Variants in RSPH3 observed in about 807,000 individuals in gnomAD.
RSPH3 encodes the protein radial spoke head protein 3 homolog.
A neutral mutation model predicts 43.8 loss-of-function variants in RSPH3; 21 were observed. The ratio of observed to expected loss-of-function variants is 0.48; its 90% CI spans 0.34 to 0.69. The LOEUF is 0.69. Ranked by LOEUF, RSPH3 falls within the 30% of genes least tolerant of loss-of-function variation. The pLI, the probability that RSPH3 is intolerant of heterozygous loss-of-function variation, is 0.01. For synonymous variants in RSPH3, 173 were observed against 179.8 expected (o/e 0.96, Z 0.30); for missense variants, 487 against 516.0 (o/e 0.94, Z 0.54).
At chr6:158,996,734 T>C (rs1778608905) in intron 1 of RSPH3, among the ~76,000 whole-genome samples, 1 of 152,232 alleles carries the variant, frequency 6.6e-6, no homozygotes, top group Admixed American at 6.5e-5. Context: ...TAGAGACAGA[T>C]TGACACAAAA....
At chr6:158,981,599 A>G (rs1416375888) in intron 5 of RSPH3, among the ~76,000 whole-genome samples, 5 of 151,684 alleles carry the variant, frequency 3.3e-5, no homozygotes, top group African/African-American at 4.9e-5. Flanking sequence ...TCATTTCAAC[A>G]AAGTTTATTT....
At chr6:158,987,474 G>T (rs936584337) in intron 2 of RSPH3, among the ~76,000 whole-genome samples, 2 of 152,068 alleles carry the variant, frequency 1.3e-5, no homozygotes, top group Non-Finnish European at 2.9e-5. Context: ...TGTTATTATT[G>T]ATAAAGCAAG....
At chr6:158,968,849 C>T (rs1032919464), downstream of RSPH3, among the ~76,000 whole-genome samples, 10 of 151,242 alleles carry the variant, frequency 6.6e-5, no homozygotes, top group Non-Finnish European at 8.9e-5. Flanking sequence ...GTAGCTGGGA[C>T]TACAGGTGTG....
At chr6:158,966,045 ATTCTT>A in the RSPH3 span, among the ~76,000 whole-genome samples, 2 of 152,216 alleles carry the variant, frequency 1.3e-5, no homozygotes, top group African/African-American at 2.4e-5. Flanking sequence ...TATGGCATAT[ATTCTT>A]TTCTTTTAAT....
chr6:158,969,983 C>T (rs1777676461), downstream of RSPH3, among the ~76,000 whole-genome samples: 1 of 151,966 alleles, frequency 6.6e-6, no homozygotes, highest in Non-Finnish European at 1.5e-5. Context: ...AAGTCTTTGT[C>T]TAGTAAGTTA....
At chr6:158,982,446 CA>C (rs748707905) in intron 5 of RSPH3, 38 bp downstream of exon 5, 1 of 1,385,570 alleles carries the variant, frequency 7.2e-7, no homozygotes, top group Non-Finnish European at 9.9e-7. Flanking sequence ...GCTAACTAGC[CA>C]AAAGACTGCC....
rs1392253232 is a variant in RSPH3, at chr6:158,989,220, T to C, written c.205-2799A>G. The stretch of plus-strand genomic sequence containing the variant: ...CGCCACCATGCCTGGCTAATTTTTG[T>C]ATTTTTAGTAGACGTGGGGTTTCAT... On this transcript the variant is annotated intron_variant, in intron 2 of 7. Transcript: ENST00000367069. The surrounding 1 kb of genome is among the most constrained non-coding windows in gnomAD (Gnocchi z 4.3). Among the ~76,000 whole-genome samples, 1 of 152,030 alleles carries C rather than the reference T, an allele frequency of 6.6e-6. No homozygotes were observed. The highest frequency in any genetic ancestry group is 1.5e-5 in the Non-Finnish European group (1 of 67,980).
intron 2 of RSPH3, chr6:158,990,554 T>C (rs1778372118): frequency 6.6e-6 from 1 of 152,236 alleles, no homozygotes. Context: ...TGTGCCACTT[T>C]CTTGTCTCCA....
At chr6:158,967,205 G>A in the RSPH3 span, among the ~76,000 whole-genome samples, 4 of 151,758 alleles carry the variant, frequency 2.6e-5, no homozygotes, top group African/African-American at 9.7e-5. Context: ...GTAGAAACAG[G>A]GTTTTGCCAG....
chr6:158,977,629 T>C lies in RSPH3; in HGVS notation c.1166A>G (p.Gln389Arg), dbSNP rs1172971918. Reference sequence around the variant, plus strand: ...TCTCTCTTCCATAAACTTCCTTTCCTGGGATGACCTTCTGTCATATGTTGT... The same window carrying C: ...TCTCTCTTCCATAAACTTCCTTTCCCGGGATGACCTTCTGTCATATGTTGT... ...QRTTYDRRSS[Q>R]ERKFMEEREL... The change falls in exon 8 of 8, where the codon CAG becomes CGG. Residue 389 changes from glutamine to arginine, a missense_variant. Gln to Arg is a conservative substitution (Grantham distance 43). Transcript: ENST00000367069. The C allele has an allele frequency of 6.2e-7, 1 of 1,614,132 alleles. No homozygotes were observed.
At chr6:158,964,666 G>A in the RSPH3 span, among the ~76,000 whole-genome samples, 494 of 152,068 alleles carry the variant, frequency 3.2e-3, 8 homozygotes, top group East Asian at 0.029. Context: ...TTTAAAATAG[G>A]TTGTCATTTT....
downstream of RSPH3, among the ~76,000 whole-genome samples, chr6:158,967,932 C>T (rs1324851283): frequency 6.6e-6 from 1 of 152,054 alleles, no homozygotes; most frequent in Non-Finnish European, 1.5e-5. Flanking sequence ...TATCTTTGTC[C>T]ATCCTTTTAT....
In RSPH3 at chr6:158,974,085, G is replaced by GT. The variant is rs1185672400; in HGVS notation, c.*3452dup. The GT allele has an allele frequency of 6.6e-6, 1 of 152,140 alleles. No homozygotes were observed. The highest frequency in any genetic ancestry group is 1.9e-4 in the East Asian group (1 of 5,198). The allele number at this position is 152,140 out of a possible 1,614,324, so 9.4% of individuals were successfully genotyped here. On this transcript the variant is annotated 3_prime_UTR_variant, in exon 8 of 8. Coordinates refer to ENST00000367069, the MANE Select transcript of RSPH3 (RefSeq NM_031924.8). The stretch of plus-strand genomic sequence containing the variant: ...CTCCCAAAGTGCTGGGATTATAGGC[G>GT]TAAGCCACCACACCCGGCCAGGAAT...
chr6:158,981,235 A>G (rs1465736392), intron 5 of RSPH3, among the ~76,000 whole-genome samples: 1 of 152,234 alleles, frequency 6.6e-6, no homozygotes, highest in Non-Finnish European at 1.5e-5. Context: ...TCACCATTAT[A>G]TGTATTTTAA....
chr6:158,967,371 G>C, the RSPH3 span, among the ~76,000 whole-genome samples: 1 of 151,832 alleles, frequency 6.6e-6, no homozygotes, highest in African/African-American at 2.4e-5. Flanking sequence ...TATTATTTAG[G>C]GGTATATTGT....
At chr6:158,994,515 G>A (rs2128610695) in intron 1 of RSPH3, among the ~76,000 whole-genome samples, 1 of 152,258 alleles carries the variant, frequency 6.6e-6, no homozygotes, top group Admixed American at 6.5e-5. Context: ...GCCAGGCCTG[G>A]TGGCCTGCAC....
downstream of RSPH3, chr6:158,972,749 T>C (rs1017236158): frequency 2.6e-5 from 4 of 152,386 alleles, no homozygotes; most frequent in African/African-American, 9.6e-5. Context: ...GAAATATTTT[T>C]ATGCTAAAAT....
chr6:158,988,801 TTATC>T (rs1778312887), intron 2 of RSPH3, among the ~76,000 whole-genome samples: 1 of 152,186 alleles, frequency 6.6e-6, no homozygotes, highest in Non-Finnish European at 1.5e-5. Context: ...CTTTTCTGTG[TTATC>T]TTAGACATCG....
downstream of RSPH3, among the ~76,000 whole-genome samples, chr6:158,968,056 G>A (rs1402893080): frequency 6.6e-6 from 1 of 152,062 alleles, no homozygotes; most frequent in Non-Finnish European, 1.5e-5. Context: ...GGGTGTTTAA[G>A]CCATTTACTT....
Sources: allele counts gnomAD v4.1 joint callset (sites outside exome capture counted in the v4.1 genomes callset), GRCh38; gene constraint gnomAD v4.1.1; non-coding constraint Gnocchi (gnomAD v3.1); transcripts MANE v1.5; gene names NCBI Gene and HGNC (gene_info 2026-07-23, HGNC 2026-07-21).